Variants in ESRRG observed in about 807,000 individuals in gnomAD.
ESRRG encodes estrogen related receptor gamma.
A neutral mutation model predicts 44.0 loss-of-function variants in ESRRG; 13 were observed. The observed-to-expected ratio is 0.30, with a 90% CI of 0.19 to 0.47. The LOEUF (loss-of-function observed/expected upper bound fraction) is 0.47, where lower values mean the gene tolerates loss of function less well. ESRRG is among the 20% of genes least tolerant of loss of function. ESRRG has a pLI of 1.00. For missense variants in ESRRG, 395 were observed against 580.6 expected (o/e 0.68, Z 3.29); for synonymous variants, 215 against 214.6 (o/e 1.00, Z -0.02).
In ESRRG at chr1:216,970,392, C is replaced by G. The variant is rs900985643; in HGVS notation, c.-105-30719G>C. 3.3e-5 allele frequency among the ~76,000 whole-genome samples: 5 copies of G among 152,322 alleles called. No individual in the cohort carries two copies. In the East Asian group the frequency reaches 9.7e-4, roughly 29 times the overall value. Reference sequence around the variant, plus strand: ...TGTATCATGCTTCAGTAAAAAGCTTCACACATTCTAAAAACATAGTGTCTT... The same window carrying G: ...TGTATCATGCTTCAGTAAAAAGCTTGACACATTCTAAAAACATAGTGTCTT... On this transcript the variant is annotated intron_variant, in intron 1 of 7. Coordinates refer to the ESRRG transcript ENST00000359162.
chr1:216,733,273 C>G (rs1208101655), intron 2 of ESRRG, among the ~76,000 whole-genome samples: 1 of 146,852 alleles, frequency 6.8e-6, no homozygotes, highest in Non-Finnish European at 1.5e-5. Context: ...TGTCACACTA[C>G]CAGGTGCTTT....
At chr1:216,520,199 T>A (rs1405528088) in intron 5 of ESRRG, among the ~76,000 whole-genome samples, 1 of 152,142 alleles carries the variant, frequency 6.6e-6, no homozygotes, top group Non-Finnish European at 1.5e-5. Flanking sequence ...AAATACTGGC[T>A]CCACTTAGCT....
At chr1:216,985,124 T>C (rs1371408177) in intron 1 of ESRRG, among the ~76,000 whole-genome samples, 1 of 152,142 alleles carries the variant, frequency 6.6e-6, no homozygotes, top group African/African-American at 2.4e-5. Context: ...ACCTAACCCA[T>C]AAAAGATCAG....
chr1:216,505,149 C>T lies in ESRRG; in HGVS notation c.*1790G>A, dbSNP rs2040979473. The T allele has an allele frequency of 6.6e-6, 1 of 152,636 alleles. No individual in the cohort carries two copies. The highest frequency in any genetic ancestry group is 2.4e-5 in the African/African-American group (1 of 41,464). 9.5% of individuals were successfully genotyped at this position (152,636 alleles called of 1,614,324 possible). A position where few individuals can be genotyped will look rare whatever the true frequency, so the allele number is the denominator to read the frequency against. ...TGTGTACATAGAATAAGACTGTTCA[C>T]ATAATACAGGGAGCAGCTACTAACA... is the stretch of plus-strand genomic sequence containing the variant. On this transcript the variant is annotated 3_prime_UTR_variant, in exon 7 of 7. Coordinates refer to ENST00000408911, the MANE Select transcript of ESRRG (RefSeq NM_001438.4).
intron 1 of ESRRG, among the ~76,000 whole-genome samples, chr1:217,096,864 A>T (rs929632848): frequency 2.1e-4 from 32 of 152,344 alleles, no homozygotes; most frequent in African/African-American, 7.0e-4. Flanking sequence ...ATAAATACTA[A>T]ATGAATAAAC....
At chr1:216,709,036 A>G (rs2083014122) in intron 1 of ESRRG, among the ~76,000 whole-genome samples, 2 of 152,090 alleles carry the variant, frequency 1.3e-5, no homozygotes, top group African/African-American at 4.8e-5. Flanking sequence ...GGACACAGGG[A>G]GGGGAACAAC....
At chr1:216,785,607 T>C (rs550382374) in intron 2 of ESRRG, among the ~76,000 whole-genome samples, 9 of 152,066 alleles carry the variant, frequency 5.9e-5, no homozygotes, top group Non-Finnish European at 1.0e-4. Flanking sequence ...AAGACTGTTA[T>C]GCAATAAAAA....
intron 5 of ESRRG, among the ~76,000 whole-genome samples, chr1:216,539,877 T>A (rs1326608372): frequency 6.6e-6 from 1 of 151,978 alleles, no homozygotes; most frequent in Non-Finnish European, 1.5e-5. Context: ...TAAAAATACA[T>A]ACAAAATTCA....
rs397709457 is a variant in ESRRG, at chr1:217,035,319, C to CAAAAA, written c.-106+54183_-106+54187dup. On this transcript the variant is annotated intron_variant, in intron 1 of 7. Coordinates refer to the ESRRG transcript ENST00000359162. ...TGGGCAGCCTAGCGAGACTCTGTCT[C>CAAAAA]AAAAAAAAAAAAAAAAAAAAAAGTG... is the stretch of plus-strand genomic sequence containing the variant. 1.9e-3 allele frequency among the ~76,000 whole-genome samples: 142 copies of CAAAAA among 75,048 alleles called. 7 individuals are homozygous for CAAAAA. The highest frequency in any genetic ancestry group is 3.0e-3 in the South Asian group (5 of 1,676). The allele number at this position is 75,048 out of a possible 152,430, so 49.2% of individuals were successfully genotyped here.
Position 217,012,033 on chromosome 1 carries a change from G to T in ESRRG, c.-105-72360C>A, listed in dbSNP as rs150556962. On this transcript the variant is annotated intron_variant, in intron 1 of 7. Coordinates refer to the ESRRG transcript ENST00000359162. ...TGAGGTATCTGAAATGCATGCAATT[G>T]AAAAGGGACTCTTTTTAAGAAGATG... Among the ~76,000 whole-genome samples, 10 of 152,250 alleles carry T rather than the reference G, an allele frequency of 6.6e-5. No homozygotes were observed. In the East Asian group the frequency reaches 1.9e-3, roughly 29 times the overall value.
At chr1:216,762,327 T>C (rs1340738038) in intron 2 of ESRRG, among the ~76,000 whole-genome samples, 1 of 151,996 alleles carries the variant, frequency 6.6e-6, no homozygotes, top group African/African-American at 2.4e-5. Context: ...AATGATAGAC[T>C]GGATTAAGAA....
intron 3 of ESRRG, among the ~76,000 whole-genome samples, chr1:216,642,854 T>C (rs1372626919): frequency 6.6e-6 from 1 of 151,546 alleles, no homozygotes; most frequent in Non-Finnish European, 1.5e-5. Flanking sequence ...GATATTTTGT[T>C]AGGATAAATT....
chr1:216,709,043 C>A (rs755074809), intron 1 of ESRRG, among the ~76,000 whole-genome samples: 5 of 151,948 alleles, frequency 3.3e-5, no homozygotes, highest in South Asian at 2.1e-4. Flanking sequence ...GGGAGGGGAA[C>A]AACACACACT....
chr1:216,947,534 A>G (rs920779174), intron 1 of ESRRG, among the ~76,000 whole-genome samples: 8 of 152,176 alleles, frequency 5.3e-5, no homozygotes, highest in African/African-American at 1.9e-4. Flanking sequence ...ACAAGCTACA[A>G]TGGCTTATTT....
At chr1:217,080,540 T>C (rs1216076884) in intron 1 of ESRRG, among the ~76,000 whole-genome samples, 1 of 152,168 alleles carries the variant, frequency 6.6e-6, no homozygotes, top group African/African-American at 2.4e-5. Context: ...CCCTGATGAA[T>C]TCTGGTAAAA....
chr1:216,872,612 T>G (rs2096273971), intron 2 of ESRRG, among the ~76,000 whole-genome samples: 1 of 152,184 alleles, frequency 6.6e-6, no homozygotes, highest in Non-Finnish European at 1.5e-5. Flanking sequence ...AGATTTTTAT[T>G]GTGGGTTATT....
chr1:216,917,805 A>G (rs2061373651), intron 2 of ESRRG, among the ~76,000 whole-genome samples: 1 of 152,242 alleles, frequency 6.6e-6, no homozygotes, highest in African/African-American at 2.4e-5. Flanking sequence ...CTATTTCACA[A>G]GAATTTCTTA....
intron 1 of ESRRG, chr1:216,714,628 T>C: frequency 1.2e-6 from 1 of 810,054 alleles, no homozygotes; most frequent in Non-Finnish European, 1.5e-6. Context: ...CATTAAAGTT[T>C]TGTTCACTAT....
chr1:216,510,731 A>C (rs1437025906), intron 6 of ESRRG, among the ~76,000 whole-genome samples: 5 of 152,008 alleles, frequency 3.3e-5, no homozygotes, highest in African/African-American at 1.2e-4. Context: ...TAAAAATACA[A>C]AAAATTAGCC....
Sources: gnomAD v4.1 joint callset for allele counts (sites outside exome capture counted in the v4.1 genomes callset) on GRCh38, gnomAD v4.1.1 for gene constraint, MANE v1.5 for transcripts, NCBI Gene and HGNC (gene_info 2026-07-23, HGNC 2026-07-21) for gene names.